NCF2: variants seen among roughly 807,000 people sequenced by gnomAD.
The protein encoded by NCF2 is neutrophil cytosolic factor 2.
NCF2 carries 45 observed loss-of-function variants against 70.9 expected under a neutral mutation model. The observed-to-expected ratio is 0.63, with a 90% CI of 0.50 to 0.81. NCF2 has a LOEUF of 0.81. Among genes scored for constraint, NCF2 ranks in the 40% least tolerant of loss-of-function variants. NCF2 has a pLI of 0.00. For synonymous variants in NCF2, 203 were observed against 233.6 expected, an observed-to-expected ratio of 0.87 and a Z score of 1.19; for missense variants, 522 against 631.6, an observed-to-expected ratio of 0.83 and a Z score of 1.86.
chr1:183,591,173 A>G (rs1414437512), upstream of NCF2, among the ~76,000 whole-genome samples: 2 of 152,190 alleles, frequency 1.3e-5, no homozygotes, highest in African/African-American at 4.8e-5. Context: ...TGGGCAGGCC[A>G]TCTCCTGCAG....
intron 2 of NCF2, among the ~76,000 whole-genome samples, chr1:183,584,984 C>T (rs1178219772): frequency 6.6e-6 from 1 of 152,192 alleles, no homozygotes; most frequent in African/African-American, 2.4e-5. Flanking sequence ...GATATCTTCT[C>T]CCAATCCCAG....
At chr1:183,579,732 CTG>C (rs1264028936) in intron 2 of NCF2, among the ~76,000 whole-genome samples, 1 of 89,764 alleles carries the variant, frequency 1.1e-5, no homozygotes, top group Non-Finnish European at 1.9e-5. Flanking sequence ...GAGTGAGACT[CTG>C]TCTCAAAAAA....
chr1:183,564,279 C>G (rs747445088), intron 10 of NCF2, among the ~76,000 whole-genome samples: 1 of 151,924 alleles, frequency 6.6e-6, no homozygotes, highest in Admixed American at 6.6e-5. Context: ...ACCAAAGGAC[C>G]AGCATATCCT....
intron 1 of NCF2, among the ~76,000 whole-genome samples, chr1:183,588,474 CA>C (rs58562761): frequency 1.6e-3 from 159 of 101,856 alleles, no homozygotes; most frequent in African/African-American, 2.9e-3. Flanking sequence ...GACTCCATCT[CA>C]AAAAAAAAAA....
chr1:183,568,410 G>A (rs1278388072), intron 7 of NCF2, among the ~76,000 whole-genome samples: 2 of 151,826 alleles, frequency 1.3e-5, no homozygotes, highest in East Asian at 1.9e-4. Flanking sequence ...CAAGTGATCC[G>A]CCCACCTCAG....
In NCF2 at chr1:183,564,001, T is replaced by G; in HGVS notation, c.1026+4A>C. ...CTTGAAACAGTATGAGGGAAAAATG[T>G]TACCTTAGGCTCTTCTTTTTGTTTC... On this transcript the variant is annotated splice_donor_region_variant and intron_variant, in intron 11 of 14. Transcript: ENST00000367535. 1 of 1,608,960 alleles carries G rather than the reference T, an allele frequency of 6.2e-7. No homozygotes were observed. The highest frequency in any genetic ancestry group is 1.7e-5 in the Admixed American group (1 of 60,012).
Position 183,577,385 on chromosome 1 carries a change from G to T in NCF2, c.366+214C>A, listed in dbSNP as rs35953580. 0.015 allele frequency among the ~76,000 whole-genome samples: 2,267 copies of T among 152,336 alleles called. 28 individuals carry two copies. The highest frequency in any genetic ancestry group is 0.024 in the Non-Finnish European group (1,605 of 68,032). On this transcript the variant is annotated intron_variant, in intron 3 of 14. Coordinates refer to ENST00000367535, the MANE Select transcript of NCF2 (RefSeq NM_000433.4). Reference sequence around the variant, plus strand: ...CCTTTGCGCTTCACATTAATAAAATGTATGCCCCCAGGTAACTGATGACAA... The same window carrying T: ...CCTTTGCGCTTCACATTAATAAAATTTATGCCCCCAGGTAACTGATGACAA...
At chr1:183,594,834 C>T (rs1673740253), upstream of NCF2, among the ~76,000 whole-genome samples, 1 of 152,098 alleles carries the variant, frequency 6.6e-6, no homozygotes, top group Admixed American at 6.5e-5. Context: ...CAAAATAAAA[C>T]TCATTATTCC....
chr1:183,588,618 AATATT>A (rs1423953830), intron 1 of NCF2, among the ~76,000 whole-genome samples: 1 of 152,068 alleles, frequency 6.6e-6, no homozygotes, highest in Non-Finnish European at 1.5e-5. Flanking sequence ...AAATAATTAA[AATATT>A]ATATAAATTG....
intron 3 of NCF2, 107 bp from the exon 4 acceptor site, chr1:183,574,728 C>T (rs1672722993): frequency 1.5e-6 from 2 of 1,330,842 alleles, no homozygotes; most frequent in South Asian, 1.2e-5. Flanking sequence ...AGCCTTTCTC[C>T]CTTTCTCAGC....
chr1:183,591,374 A>G (rs778131800), upstream of NCF2, among the ~76,000 whole-genome samples: 9 of 152,300 alleles, frequency 5.9e-5, no homozygotes, highest in Middle Eastern at 6.8e-3. Context: ...TTGTAATCCC[A>G]TAGGCTGTAT....
chr1:183,584,629 A>G (rs192438234), intron 2 of NCF2, among the ~76,000 whole-genome samples: 4 of 152,052 alleles, frequency 2.6e-5, no homozygotes, highest in Non-Finnish European at 4.4e-5. Context: ...TTCTTTATAG[A>G]CTATTAGAGG....
At chr1:183,594,899 G>A (rs79553292), upstream of NCF2, among the ~76,000 whole-genome samples, 1,813 of 151,962 alleles carry the variant, frequency 0.012, 40 homozygotes, top group African/African-American at 0.041. Context: ...GTGTTCTATC[G>A]CTCTTTAACT....
At chr1:183,558,371 G>C (rs1242480761) in intron 14 of NCF2, among the ~76,000 whole-genome samples, 1 of 150,500 alleles carries the variant, frequency 6.6e-6, no homozygotes, top group Non-Finnish European at 1.5e-5. Context: ...GGGTTCAAGA[G>C]ATTGTCCTGC....
At chr1:183,596,138 C>T in the NCF2 span, among the ~76,000 whole-genome samples, 1 of 151,834 alleles carries the variant, frequency 6.6e-6, no homozygotes, top group Non-Finnish European at 1.5e-5. Flanking sequence ...GATTTTTCCA[C>T]TGTATCTTTT....
chr1:183,556,153 T>G lies in NCF2; in HGVS notation c.1546A>C (p.Thr516Pro). The change falls in exon 15 of 15, where the codon ACT (threonine) becomes CCT (proline). Residue 516 changes from threonine to proline, a missense_variant. Thr to Pro is a conservative substitution (Grantham distance 38). Transcript: ENST00000367535. ...CTCCGAGTGCTTTCCAAATCTGTAG[T>G]TGCGCAGTCTTCAACAAAAACTTTG... ...FPKVFVEDCA[T>P]TDLESTRREV 1 of 1,614,220 alleles carries G rather than the reference T, an allele frequency of 6.2e-7. No homozygotes were observed. Among genetic ancestry groups the G allele is most frequent in the Non-Finnish European group, 8.5e-7 (1 of 1,180,024 alleles).
upstream of NCF2, chr1:183,590,986 G>A (rs927491595): frequency 1.0e-4 from 16 of 156,890 alleles, no homozygotes; most frequent in African/African-American, 3.6e-4. Flanking sequence ...CCAATTGAAT[G>A]TTGCCTTTTC....
intron 2 of NCF2, among the ~76,000 whole-genome samples, chr1:183,581,566 C>T (rs1055506838): frequency 2.0e-4 from 30 of 152,022 alleles, no homozygotes; most frequent in African/African-American, 6.7e-4. Context: ...TGGGTTCAAG[C>T]AATCCTCCCA....
At chr1:183,591,361 T>A (rs1188601638), upstream of NCF2, among the ~76,000 whole-genome samples, 3 of 152,260 alleles carry the variant, frequency 2.0e-5, no homozygotes, top group Admixed American at 2.0e-4. Context: ...CTTGCTCACT[T>A]TTTTGTAATC....
Sources: allele counts gnomAD v4.1 joint callset (sites outside exome capture counted in the v4.1 genomes callset), GRCh38; gene constraint gnomAD v4.1.1; transcripts MANE v1.5; gene names NCBI Gene and HGNC (gene_info 2026-07-23, HGNC 2026-07-21).